Variants in LPP observed in about 807,000 individuals in gnomAD.
The protein encoded by LPP is LIM domain containing preferred translocation partner in lipoma, also known as lipoma-preferred partner.
Under a neutral mutation model 60.4 loss-of-function variants are expected in LPP, and 38 were observed. The ratio of observed to expected loss-of-function variants is 0.63; its 90% confidence interval spans 0.49 to 0.83. LPP has a LOEUF of 0.83. Among genes scored for constraint, LPP ranks in the 40% least tolerant of loss-of-function variants. The pLI is 0.00. For synonymous variants in LPP, 328 were observed against 290.8 expected (o/e 1.13, Z -1.30); for missense variants, 902 against 783.6 (o/e 1.15, Z -1.80).
At chr3:188,435,552 C>T (rs1028332593) in intron 4 of LPP, among the ~76,000 whole-genome samples, 1 of 151,938 alleles carries the variant, frequency 6.6e-6, no homozygotes, top group Non-Finnish European at 1.5e-5. Flanking sequence ...TAAATTAATA[C>T]CTGTTTTCTT....
At chr3:188,206,801 T>C (rs1733358456) in intron 1 of LPP, among the ~76,000 whole-genome samples, 1 of 152,216 alleles carries the variant, frequency 6.6e-6, no homozygotes, top group Non-Finnish European at 1.5e-5. Flanking sequence ...TTTGAGCATC[T>C]GACTTTTCCT....
chr3:188,198,823 A>C (rs1449462009), intron 1 of LPP, among the ~76,000 whole-genome samples: 1 of 152,170 alleles, frequency 6.6e-6, no homozygotes, highest in Admixed American at 6.6e-5. Context: ...CCAGATGAGA[A>C]AGTCACATCT....
chr3:188,301,747 A>G (rs4580538), intron 2 of LPP, among the ~76,000 whole-genome samples: 74,967 of 151,702 alleles, frequency 0.49, 21,749 homozygotes, highest in African/African-American at 0.82. Context: ...ATTCACTGCA[A>G]CCTCAATGTC....
intron 6 of LPP, among the ~76,000 whole-genome samples, chr3:188,553,158 G>A (rs1005456932): frequency 3.9e-5 from 6 of 152,182 alleles, no homozygotes; most frequent in Non-Finnish European, 5.9e-5. Flanking sequence ...ACCATCCTTC[G>A]CATTTTAAAC....
chr3:188,786,240 G>A (rs375676597), intron 9 of LPP, among the ~76,000 whole-genome samples: 27 of 151,824 alleles, frequency 1.8e-4, no homozygotes, highest in African/African-American at 5.1e-4. Flanking sequence ...AAAATTACCC[G>A]GGCATGGTGG....
chr3:188,712,773 T>C (rs1712106670), intron 8 of LPP: 1 of 152,098 alleles, frequency 6.6e-6, no homozygotes, highest in Admixed American at 6.6e-5. Flanking sequence ...ATGCTGTAGA[T>C]CTCCTGCTAG....
chr3:188,610,097 A>C lies in LPP; in HGVS notation c.1113+253A>C, dbSNP rs1174029423. Among the ~76,000 whole-genome samples the C allele has an allele frequency of 6.6e-6, 1 of 152,186 alleles. No homozygotes were observed. The highest frequency in any genetic ancestry group is 1.5e-5 in the Non-Finnish European group (1 of 68,030). ...GAATCATCTTCCAAAGCCCACAGAC[A>C]CCATAGCATCTGAGGACAAAGTGTT... On this transcript the variant is annotated intron_variant, in intron 7 of 11. Transcript: ENST00000617246. The surrounding 1 kb of genome is among the most constrained non-coding windows in gnomAD (Gnocchi z 4.4).
chr3:188,248,100 A>G (rs1164697774), intron 2 of LPP, among the ~76,000 whole-genome samples: 2 of 151,954 alleles, frequency 1.3e-5, no homozygotes, highest in Non-Finnish European at 2.9e-5. Flanking sequence ...ATCTTGCTTG[A>G]CATCTTACTT....
intron 8 of LPP, among the ~76,000 whole-genome samples, chr3:188,755,376 A>G (rs1027430278): frequency 8.5e-5 from 13 of 152,208 alleles, no homozygotes; most frequent in Admixed American, 3.3e-4. Context: ...CCTCAAAACA[A>G]GCACTGCTTG....
chr3:188,181,752 C>T (rs1329119994), intron 1 of LPP, among the ~76,000 whole-genome samples: 1 of 152,110 alleles, frequency 6.6e-6, no homozygotes, highest in Non-Finnish European at 1.5e-5. Flanking sequence ...GACAGGGTCA[C>T]TCTCTGTTGC....
At chr3:188,554,468 G>A (rs139838961) in intron 6 of LPP, among the ~76,000 whole-genome samples, 9 of 152,212 alleles carry the variant, frequency 5.9e-5, no homozygotes, top group African/African-American at 1.7e-4. Flanking sequence ...ACAGTGATGC[G>A]TTCTTTTATT....
chr3:188,512,582 AATAAATAAAT>A (rs1553917958), intron 5 of LPP, among the ~76,000 whole-genome samples: 1 of 151,338 alleles, frequency 6.6e-6, no homozygotes. Context: ...TAAATAAATA[AATAAATAAAT>A]AAAGTTCCCA....
In LPP at chr3:188,886,378, T is replaced by C. The variant is rs1419427541; in HGVS notation, c.*11899T>C. ...GAGGCTTGATGAATATTGTGGCCAG[T>C]GAGTGGAAAATGATTCTTGTCGAAT... is the stretch of plus-strand genomic sequence containing the variant. On this transcript the variant is annotated 3_prime_UTR_variant, in exon 12 of 12. Transcript: ENST00000617246. 2 of 179,976 alleles carry C rather than the reference T, an allele frequency of 1.1e-5. No individual in the cohort carries two copies. Among genetic ancestry groups the C allele is most frequent in the African/African-American group, 4.9e-5 (2 of 41,132 alleles). The allele number at this position is 179,976 out of a possible 1,614,324, so 11.1% of individuals were successfully genotyped here. A position where few individuals can be genotyped will look rare whatever the true frequency, so the allele number is the denominator to read the frequency against.
At chr3:188,800,602 T>C (rs1746913458) in intron 9 of LPP, among the ~76,000 whole-genome samples, 1 of 152,218 alleles carries the variant, frequency 6.6e-6, no homozygotes, top group African/African-American at 2.4e-5. Context: ...AGTGTATGTA[T>C]GTTTCCATTT....
intron 2 of LPP, among the ~76,000 whole-genome samples, chr3:188,298,976 C>A (rs1260985489): frequency 6.6e-6 from 1 of 152,136 alleles, no homozygotes; most frequent in Admixed American, 6.6e-5. Flanking sequence ...TACTCTTGCC[C>A]CAGGCCCTAA....
chr3:188,203,525 A>T (rs1428583643), intron 1 of LPP, among the ~76,000 whole-genome samples: 46 of 34,382 alleles, frequency 1.3e-3, no homozygotes, highest in Non-Finnish European at 2.4e-3. Context: ...AAATATATAT[A>T]AATATATATT....
chr3:188,436,674 A>G (rs1357841412), intron 4 of LPP, among the ~76,000 whole-genome samples: 1 of 152,218 alleles, frequency 6.6e-6, no homozygotes, highest in Non-Finnish European at 1.5e-5. Flanking sequence ...TGAGATTTTA[A>G]AAATAGAAAA....
chr3:188,231,680 C>T (rs994447817), intron 2 of LPP, among the ~76,000 whole-genome samples: 3 of 151,546 alleles, frequency 2.0e-5, no homozygotes, highest in African/African-American at 7.3e-5. Flanking sequence ...ATCTGCAGCT[C>T]CTCTCTGTGC....
intron 4 of LPP, among the ~76,000 whole-genome samples, chr3:188,446,562 C>A (rs1795278270): frequency 6.6e-6 from 1 of 152,138 alleles, no homozygotes; most frequent in Non-Finnish European, 1.5e-5. Context: ...TGTTTGTAAA[C>A]AATCTCCTTT....
Sources: allele counts gnomAD v4.1 joint callset (sites outside exome capture counted in the v4.1 genomes callset), GRCh38; gene constraint gnomAD v4.1.1; non-coding constraint Gnocchi (gnomAD v3.1); transcripts MANE v1.5; gene names NCBI Gene and HGNC (gene_info 2026-07-23, HGNC 2026-07-21).